Variants in DNAJC21 observed in about 807,000 individuals in gnomAD.
The protein encoded by DNAJC21 is dnaJ homolog subfamily C member 21.
A neutral mutation model predicts 72.4 loss-of-function variants in DNAJC21; 63 were observed. The observed-to-expected ratio is 0.87, with a 90% CI of 0.71 to 1.07. DNAJC21 has a LOEUF of 1.07. Among genes scored for constraint, DNAJC21 ranks in the 50% least tolerant of loss-of-function variants. DNAJC21 has a pLI of 0.00. For missense variants in DNAJC21, 634 were observed against 644.8 expected (o/e 0.98, Z 0.18); for synonymous variants, 203 against 216.7 (o/e 0.94, Z 0.56).
intron 11 of DNAJC21, 126 bp downstream of exon 11, chr5:34,954,127 C>T (rs1765463891): frequency 1.3e-6 from 1 of 795,712 alleles, no homozygotes. Flanking sequence ...GTGGATCCAT[C>T]AACAGTTTTG....
intron 3 of DNAJC21, 79 bp downstream of exon 3, chr5:34,935,912 A>G (rs1314610868): frequency 1.9e-6 from 3 of 1,576,872 alleles, no homozygotes; most frequent in South Asian, 1.1e-5. Context: ...TCTTAAAACT[A>G]TTCTGTAATA....
At chr5:34,953,885 G>T (rs374541395) in intron 10 of DNAJC21, 41 bp from the exon 11 acceptor site, 220 of 1,510,298 alleles carry the variant, frequency 1.5e-4, no homozygotes, top group Middle Eastern at 3.5e-4. Flanking sequence ...GTTAAAAGGA[G>T]TATGTTATTT....
At chr5:34,938,177 A>G (rs1764859609) in intron 5 of DNAJC21, among the ~76,000 whole-genome samples, 1 of 152,178 alleles carries the variant, frequency 6.6e-6, no homozygotes, top group Non-Finnish European at 1.5e-5. Context: ...TGTAAAACTT[A>G]ATAATTTTAA....
chr5:34,936,544 T>C (rs1310270761), intron 4 of DNAJC21, among the ~76,000 whole-genome samples: 1 of 152,150 alleles, frequency 6.6e-6, no homozygotes, highest in African/African-American at 2.4e-5. Flanking sequence ...GATCTTGAAC[T>C]CCTGGCCTCC....
At chr5:34,949,580 A>G (rs1334213563) in intron 9 of DNAJC21, 1 of 1,572,848 alleles carries the variant, frequency 6.4e-7, no homozygotes, top group Non-Finnish European at 8.7e-7. Flanking sequence ...CCTGCAGCTC[A>G]CTTTCAGATG....
At chr5:34,940,128 C>T (rs1160351505) in intron 6 of DNAJC21, among the ~76,000 whole-genome samples, 1 of 152,170 alleles carries the variant, frequency 6.6e-6, no homozygotes, top group Non-Finnish European at 1.5e-5. Context: ...GGAATCGTCT[C>T]TGTTTTGCCG....
At chr5:34,943,422 TC>T (rs1466821258) in intron 7 of DNAJC21, among the ~76,000 whole-genome samples, 3 of 152,226 alleles carry the variant, frequency 2.0e-5, no homozygotes, top group Admixed American at 1.3e-4. Flanking sequence ...TCTCAGGGAT[TC>T]ATAGCTGGAG....
intron 9 of DNAJC21, 150 bp downstream of exon 9, chr5:34,945,953 T>C (rs1384137222): frequency 6.6e-6 from 4 of 609,024 alleles, no homozygotes; most frequent in African/African-American, 5.7e-5. Context: ...TTAGAAATAT[T>C]TTCCTTTTTT....
chr5:34,942,313 G>T (rs937236897), intron 7 of DNAJC21, among the ~76,000 whole-genome samples: 1 of 151,942 alleles, frequency 6.6e-6, no homozygotes, highest in Non-Finnish European at 1.5e-5. Context: ...GTATTAAAAC[G>T]GATACCATTA....
chr5:34,930,509 C>T (rs1337851646), intron 1 of DNAJC21: 1 of 151,560 alleles, frequency 6.6e-6, no homozygotes, highest in Non-Finnish European at 1.5e-5. Context: ...GGACATGATT[C>T]TGCCGGGGAA....
intron 7 of DNAJC21, among the ~76,000 whole-genome samples, chr5:34,943,612 A>T (rs191849967): frequency 5.3e-5 from 8 of 152,232 alleles, no homozygotes; most frequent in Non-Finnish European, 1.0e-4. Context: ...AACTATGCAG[A>T]TATCTTGCTT....
intron 6 of DNAJC21, among the ~76,000 whole-genome samples, chr5:34,940,101 A>G (rs968018903): frequency 4.6e-5 from 7 of 152,140 alleles, no homozygotes; most frequent in African/African-American, 1.2e-4. Context: ...TCCCCCTTAC[A>G]TGGAGGTTTT....
At chr5:34,943,124 A>C (rs1024118115) in intron 7 of DNAJC21, among the ~76,000 whole-genome samples, 15 of 152,196 alleles carry the variant, frequency 9.9e-5, no homozygotes, top group Admixed American at 6.5e-5. Context: ...ACAGTGACCA[A>C]ATAAAAGAAA....
In DNAJC21 at chr5:34,936,235, C is replaced by G. The variant is rs767193050; in HGVS notation, c.407C>G (p.Thr136Ser). The change falls in exon 4 of 12, where the codon ACT becomes AGT. Residue 136 changes from threonine (T) to serine (S), a missense_variant. Thr to Ser is a moderately conservative substitution (Grantham distance 58). Coordinates refer to ENST00000648817, the MANE Select transcript of DNAJC21 (RefSeq NM_001012339.3). ...GAGGAAGAGGTTGATGATTTCCCAACTTTTGGAGACTCCCAGAGTGACTAT... is the reference window on the plus strand; with the variant it reads ...GAGGAAGAGGTTGATGATTTCCCAAGTTTTGGAGACTCCCAGAGTGACTAT... ...VLEEEVDDFP[T>S]FGDSQSDYDT... The G allele has an allele frequency of 8.1e-6, 13 of 1,613,880 alleles. No individual in the cohort carries two copies. The highest frequency in any genetic ancestry group is 1.1e-5 in the South Asian group (1 of 91,054).
At chr5:34,941,056 T>C in intron 6 of DNAJC21, 40 bp from the exon 7 acceptor site, 2 of 1,489,382 alleles carry the variant, frequency 1.3e-6, no homozygotes, top group Non-Finnish European at 1.9e-6. Flanking sequence ...ATTTGTGCTC[T>C]GATCAAAGAG....
chr5:34,953,354 T>G (rs1467136088), intron 10 of DNAJC21, among the ~76,000 whole-genome samples: 1 of 151,934 alleles, frequency 6.6e-6, no homozygotes, highest in Non-Finnish European at 1.5e-5. Flanking sequence ...CTCCACCTCC[T>G]GGGTTCAAGT....
intron 1 of DNAJC21, among the ~76,000 whole-genome samples, chr5:34,930,635 G>A (rs910131838): frequency 1.3e-5 from 2 of 152,132 alleles, no homozygotes; most frequent in Admixed American, 6.5e-5. Context: ...GAAGTAATCT[G>A]ATCTTCCAGG....
Position 34,954,500 on chromosome 5 carries a change from C to G in DNAJC21, c.1435-53C>G. On this transcript the variant is annotated intron_variant, in intron 11 of 11. Coordinates refer to ENST00000648817, the MANE Select transcript of DNAJC21 (RefSeq NM_001012339.3). Reference sequence around the variant, plus strand: ...AATCTTGATATTAAAACCTAAAACACTACTTTCAAGTGATAACGCTTACTT... The same window carrying G: ...AATCTTGATATTAAAACCTAAAACAGTACTTTCAAGTGATAACGCTTACTT... 2.0e-6 allele frequency: 3 copies of G among 1,515,310 alleles called. No individual in the cohort carries two copies. The South Asian group carries it at 3.9e-5, about 20-fold the overall frequency. 93.9% of individuals were successfully genotyped at this position (1,515,310 alleles called of 1,614,324 possible).
chr5:34,940,883 T>C (rs188898987), intron 6 of DNAJC21, among the ~76,000 whole-genome samples: 1 of 152,344 alleles, frequency 6.6e-6, no homozygotes, highest in East Asian at 1.9e-4. Flanking sequence ...TATCTTCTTC[T>C]AAGTAGACTT....
Sources: allele counts gnomAD v4.1 joint callset (sites outside exome capture counted in the v4.1 genomes callset), GRCh38; gene constraint gnomAD v4.1.1; transcripts MANE v1.5; gene names NCBI Gene and HGNC (gene_info 2026-07-23, HGNC 2026-07-21).